The following FSHR variants were observed in gnomAD, a reference collection of about 807,000 sequenced individuals.
The protein encoded by FSHR is follicle stimulating hormone receptor, also known as follicle-stimulating hormone receptor.
In FSHR, 46 loss-of-function variants were observed where a neutral mutation model predicts 52.1. The observed-to-expected ratio is 0.88, with a 90% CI of 0.70 to 1.13. The LOEUF (loss-of-function observed/expected upper bound fraction) is 1.13, where lower values mean the gene tolerates loss of function less well. Among genes scored for constraint, FSHR ranks in the 50% most tolerant of loss-of-function variants. The pLI is 0.00. For synonymous variants in FSHR, 399 were observed against 309.6 expected, an observed-to-expected ratio of 1.29 and a Z score of -3.03; for missense variants, 964 against 834.6, an observed-to-expected ratio of 1.16 and a Z score of -1.91.
chr2:49,121,839 C>G (rs1306164149), intron 1 of FSHR, among the ~76,000 whole-genome samples: 1 of 151,584 alleles, frequency 6.6e-6, no homozygotes, highest in Non-Finnish European at 1.5e-5. Flanking sequence ...GGTAGTGTTT[C>G]TTCTCTGCCT....
At chr2:49,019,198 T>C (rs1291476957) in intron 3 of FSHR, among the ~76,000 whole-genome samples, 1 of 152,218 alleles carries the variant, frequency 6.6e-6, no homozygotes, top group Non-Finnish European at 1.5e-5. Flanking sequence ...TAGCATATTA[T>C]AGACTCTGAA....
intron 4 of FSHR, among the ~76,000 whole-genome samples, chr2:49,015,689 C>G (rs1667462307): frequency 3.9e-5 from 6 of 152,088 alleles, no homozygotes; most frequent in Admixed American, 3.9e-4. Flanking sequence ...GATTCCATCC[C>G]TAAGGAACAT....
At chr2:49,002,916 T>C (rs1666956984) in intron 4 of FSHR, among the ~76,000 whole-genome samples, 1 of 152,126 alleles carries the variant, frequency 6.6e-6, no homozygotes, top group East Asian at 1.9e-4. Flanking sequence ...GGTTTGGTCA[T>C]TGTCCAGAGA....
intron 8 of FSHR, among the ~76,000 whole-genome samples, chr2:48,975,009 AAAG>A (rs1465651335): frequency 1.3e-5 from 2 of 152,202 alleles, no homozygotes; most frequent in Non-Finnish European, 1.5e-5. Context: ...AGTAACAAAA[AAAG>A]ACATCAGTTA....
rs890365194 is a variant in FSHR at position 49,091,955 on chromosome 2, A to T, written c.153-23665T>A. Among the ~76,000 whole-genome samples, 4 of 152,298 alleles carry T rather than the reference A, an allele frequency of 2.6e-5. No homozygotes were observed. The South Asian group carries it at 8.3e-4, about 32-fold the overall frequency. On this transcript the variant is annotated intron_variant, in intron 1 of 9. Transcript: ENST00000406846. The stretch of plus-strand genomic sequence containing the variant: ...TGTTTGTAATTATGTTAACCTACAG[A>T]TCAGTTTGAGGAGAATTAACTATAG...
intron 2 of FSHR, among the ~76,000 whole-genome samples, chr2:49,044,038 ACT>A (rs1668572218): frequency 6.6e-6 from 1 of 152,088 alleles, no homozygotes; most frequent in African/African-American, 2.4e-5. Context: ...TCTGGTTTAT[ACT>A]CTGTTTTACG....
At chr2:49,081,016 T>C (rs916623335) in intron 1 of FSHR, among the ~76,000 whole-genome samples, 5 of 152,188 alleles carry the variant, frequency 3.3e-5, no homozygotes, top group Non-Finnish European at 4.4e-5. Flanking sequence ...CCCGTTCCTA[T>C]GGAAAGACAA....
intron 8 of FSHR, among the ~76,000 whole-genome samples, chr2:48,971,613 T>A (rs953887332): frequency 6.6e-6 from 1 of 152,206 alleles, no homozygotes; most frequent in African/African-American, 2.4e-5. Flanking sequence ...CCCCTCTTTG[T>A]TAGCTGTCAA....
intron 8 of FSHR, among the ~76,000 whole-genome samples, chr2:48,971,037 A>C (rs1233075873): frequency 3.3e-5 from 5 of 152,354 alleles, no homozygotes; most frequent in African/African-American, 1.2e-4. Context: ...TTAGTACTGC[A>C]GATATAAAAA....
intron 4 of FSHR, among the ~76,000 whole-genome samples, chr2:49,009,420 G>T (rs1339158858): frequency 2.0e-5 from 3 of 151,526 alleles, no homozygotes. Context: ...TGCCGTTTTG[G>T]TTACTGTAGC....
intron 1 of FSHR, among the ~76,000 whole-genome samples, chr2:49,120,839 C>T (rs1015323557): frequency 2.0e-5 from 3 of 152,202 alleles, no homozygotes; most frequent in Non-Finnish European, 4.4e-5. Context: ...GCTTCTTTTC[C>T]ACTTTGCTTT....
rs192259598 is a variant in FSHR, at chr2:48,981,526, C to T, written c.668+1386G>A. ...ACCAAGGCAGTCTGCTCTGTATCTCCGCTTTAATCACACGGATACTCCATT... is the reference window on the plus strand; with the variant it reads ...ACCAAGGCAGTCTGCTCTGTATCTCTGCTTTAATCACACGGATACTCCATT... On this transcript the variant is annotated intron_variant, in intron 8 of 9. Transcript: ENST00000406846. 9.9e-5 allele frequency among the ~76,000 whole-genome samples: 15 copies of T among 152,216 alleles called. 1 individual carries two copies. The highest frequency in any genetic ancestry group is 8.5e-4 in the Admixed American group (13 of 15,292).
intron 1 of FSHR, among the ~76,000 whole-genome samples, chr2:49,127,902 T>TC (rs1476153675): frequency 2.4e-4 from 32 of 132,678 alleles, no homozygotes; most frequent in Middle Eastern, 3.6e-3. Context: ...CTTCTTCTTT[T>TC]TTTTTTTTGA....
At chr2:48,975,116 A>G (rs1187214549) in intron 8 of FSHR, among the ~76,000 whole-genome samples, 1 of 152,164 alleles carries the variant, frequency 6.6e-6, no homozygotes, top group Non-Finnish European at 1.5e-5. Flanking sequence ...TAGTTGGTAA[A>G]GCACTATTTC....
chr2:48,983,210 A>C lies in FSHR; in HGVS notation c.525-44T>G, dbSNP rs771449297. The C allele has an allele frequency of 5.1e-6, 8 of 1,558,480 alleles. No individual in the cohort carries two copies. In the South Asian group the frequency reaches 8.9e-5, roughly 17 times the overall value. ...TAAAAAACCAATAATGTCAGATGCA[A>C]ACAATACACGGGTTTCATAATTGGA... On this transcript the variant is annotated intron_variant, in intron 6 of 9. Coordinates refer to ENST00000406846, the MANE Select transcript of FSHR (RefSeq NM_000145.4).
At chr2:49,100,715 C>A (rs1013191717) in intron 1 of FSHR, among the ~76,000 whole-genome samples, 2 of 152,176 alleles carry the variant, frequency 1.3e-5, no homozygotes, top group African/African-American at 4.8e-5. Context: ...TACAGCCGGG[C>A]CTTTTGTTAT....
chr2:49,019,498 T>C (rs1176853906), intron 3 of FSHR, among the ~76,000 whole-genome samples: 1 of 152,190 alleles, frequency 6.6e-6, no homozygotes, highest in Non-Finnish European at 1.5e-5. Flanking sequence ...CAAGAGAAAG[T>C]AAATTTGGCT....
At chr2:49,014,014 C>G (rs1289141458) in intron 4 of FSHR, among the ~76,000 whole-genome samples, 1 of 152,048 alleles carries the variant, frequency 6.6e-6, no homozygotes, top group Non-Finnish European at 1.5e-5. Flanking sequence ...AGATGGCTGT[C>G]TGTAACCCAG....
intron 1 of FSHR, among the ~76,000 whole-genome samples, chr2:49,123,002 C>T (rs1671871373): frequency 6.6e-6 from 1 of 152,118 alleles, no homozygotes; most frequent in Admixed American, 6.5e-5. Flanking sequence ...TGCTTTCCTC[C>T]CTCCCTCCTT....
Sources: allele counts gnomAD v4.1 joint callset (sites outside exome capture counted in the v4.1 genomes callset), GRCh38; gene constraint gnomAD v4.1.1; transcripts MANE v1.5; gene names NCBI Gene and HGNC (gene_info 2026-07-23, HGNC 2026-07-21).